The following FOXO3 variants were observed in gnomAD, a reference collection of about 807,000 sequenced individuals.
FOXO3 encodes the protein forkhead box O3.
In FOXO3, 4 loss-of-function variants were observed where a neutral mutation model predicts 41.9. The observed-to-expected ratio is 0.10, with a 90% CI of 0.05 to 0.22. The LOEUF (loss-of-function observed/expected upper bound fraction) is 0.22. Among genes scored for constraint, FOXO3 ranks in the 10% least tolerant of loss-of-function variants. The probability of loss-of-function intolerance (pLI) is 1.00; values close to 1 mark genes in which losing one functional copy is unlikely to be tolerated. For missense variants in FOXO3, 534 were observed against 906.8 expected (o/e 0.59, Z 5.28); for synonymous variants, 318 against 389.3 (o/e 0.82, Z 2.16).
At chr6:108,588,556 C>A (rs1323454128) in intron 1 of FOXO3, among the ~76,000 whole-genome samples, 1 of 152,224 alleles carries the variant, frequency 6.6e-6, no homozygotes, top group Non-Finnish European at 1.5e-5. Context: ...GTCTTCCCTT[C>A]TTCCTCTGGT....
intron 1 of FOXO3, among the ~76,000 whole-genome samples, chr6:108,645,796 CCT>C (rs527681311): frequency 2.4e-4 from 37 of 152,176 alleles, no homozygotes; most frequent in African/African-American, 8.7e-4. Context: ...TGAACAGAAA[CCT>C]CTAATTACCA....
chr6:108,650,577 GC>G (rs1185541261), intron 1 of FOXO3, among the ~76,000 whole-genome samples: 1 of 152,148 alleles, frequency 6.6e-6, no homozygotes, highest in Admixed American at 6.5e-5. Flanking sequence ...GTAGATTAGA[GC>G]CTGCTACAAT....
At chr6:108,663,431 C>T in intron 1 of FOXO3, 24 bp from the exon 2 acceptor site, 2 of 1,581,502 alleles carry the variant, frequency 1.3e-6, no homozygotes, top group Non-Finnish European at 8.6e-7. Context: ...GGTTCATACT[C>T]TGTATTTTCT....
intron 2 of FOXO3, among the ~76,000 whole-genome samples, chr6:108,678,869 CTTTTTTT>C (rs1156923290): frequency 3.6e-5 from 2 of 55,018 alleles, no homozygotes; most frequent in East Asian, 8.5e-4. Flanking sequence ...TTCTTAAATT[CTTTTTTT>C]TTTTTTTTTT....
intron 1 of FOXO3, among the ~76,000 whole-genome samples, chr6:108,609,916 A>G (rs1351992665): frequency 6.6e-6 from 1 of 152,096 alleles, no homozygotes; most frequent in African/African-American, 2.4e-5. Context: ...TGCCTGTTGA[A>G]TTTTTTTTAA....
chr6:108,602,620 A>G (rs1486205855), intron 1 of FOXO3, among the ~76,000 whole-genome samples: 1 of 152,172 alleles, frequency 6.6e-6, no homozygotes, highest in East Asian at 1.9e-4. Flanking sequence ...AGAAGGAGGC[A>G]AGTGTGCTGT....
At chr6:108,637,563 A>G (rs925055609) in intron 1 of FOXO3, among the ~76,000 whole-genome samples, 2 of 151,948 alleles carry the variant, frequency 1.3e-5, no homozygotes, top group Non-Finnish European at 2.9e-5. Flanking sequence ...TACATATCAG[A>G]CTCCTGATAA....
intron 2 of FOXO3, among the ~76,000 whole-genome samples, chr6:108,668,491 G>A (rs1012068110): frequency 6.6e-6 from 1 of 152,142 alleles, no homozygotes; most frequent in African/African-American, 2.4e-5. Context: ...CTGCAAGCTC[G>A]AGCTTCCGGT....
intron 1 of FOXO3, among the ~76,000 whole-genome samples, chr6:108,616,495 G>A (rs917904147): frequency 1.3e-5 from 2 of 151,802 alleles, no homozygotes; most frequent in Middle Eastern, 3.2e-3. Context: ...ATGGGGTTTC[G>A]CTGTGTTGGC....
intron 1 of FOXO3, among the ~76,000 whole-genome samples, chr6:108,594,112 C>T (rs1776808840): frequency 6.6e-6 from 1 of 152,124 alleles, no homozygotes; most frequent in Non-Finnish European, 1.5e-5. Flanking sequence ...GAGAAGATGG[C>T]AGAAAGCTGT....
intron 1 of FOXO3, among the ~76,000 whole-genome samples, chr6:108,616,529 T>C (rs757498805): frequency 6.6e-6 from 1 of 152,034 alleles, no homozygotes; most frequent in Non-Finnish European, 1.5e-5. Flanking sequence ...ACTCCTGGCC[T>C]CAAGCAATCC....
chr6:108,611,886 G>T (rs1277803897), intron 1 of FOXO3, among the ~76,000 whole-genome samples: 1 of 151,990 alleles, frequency 6.6e-6, no homozygotes, highest in Non-Finnish European at 1.5e-5. Flanking sequence ...TTAAGACTTT[G>T]ATCCATTTGG....
chr6:108,600,090 G>T (rs988458538), intron 1 of FOXO3, among the ~76,000 whole-genome samples: 1 of 152,056 alleles, frequency 6.6e-6, no homozygotes, highest in Non-Finnish European at 1.5e-5. Context: ...GTTAGAAGTC[G>T]AACACTGAAC....
intron 1 of FOXO3, among the ~76,000 whole-genome samples, chr6:108,565,729 A>T (rs1487306055): frequency 6.6e-6 from 1 of 152,240 alleles, no homozygotes; most frequent in African/African-American, 2.4e-5. Flanking sequence ...TCTTGCCAAG[A>T]TAAAAAGATG....
At chr6:108,572,575 G>A (rs1776132507) in intron 1 of FOXO3, among the ~76,000 whole-genome samples, 1 of 152,154 alleles carries the variant, frequency 6.6e-6, no homozygotes, top group African/African-American at 2.4e-5. Flanking sequence ...GGCTTGAAAT[G>A]TTCAGACATT....
intron 1 of FOXO3, among the ~76,000 whole-genome samples, chr6:108,564,666 A>C (rs1176136040): frequency 6.6e-6 from 1 of 152,216 alleles, no homozygotes; most frequent in Non-Finnish European, 1.5e-5. Flanking sequence ...CAGAATCTAA[A>C]TCAGTGGTTC....
chr6:108,615,626 A>T (rs986392254), intron 1 of FOXO3, among the ~76,000 whole-genome samples: 1 of 151,984 alleles, frequency 6.6e-6, no homozygotes, highest in Non-Finnish European at 1.5e-5. Flanking sequence ...TATAAAAAAA[A>T]TTTAAAATCC....
rs1582721410 is a variant in FOXO3 at position 108,561,974 on chromosome 6, A to G, written c.621+145A>G. ...CCTCCGCTGCGAGGCTTTGGGGGTT[A>G]TCTTTGATCCCCGGAGTCGGGGCAC... On this transcript the variant is annotated intron_variant, in intron 1 of 2. Transcript: ENST00000406360. The G allele has an allele frequency of 3.1e-6, 4 of 1,289,502 alleles. No individual in the cohort carries two copies. In the East Asian group the frequency reaches 9.2e-5, roughly 30 times the overall value. 79.9% of individuals were successfully genotyped at this position (1,289,502 alleles called of 1,614,324 possible). A position where few individuals can be genotyped will look rare whatever the true frequency, so the allele number is the denominator to read the frequency against.
intron 2 of FOXO3, among the ~76,000 whole-genome samples, chr6:108,665,617 C>CA (rs1287715621): frequency 6.6e-6 from 1 of 152,030 alleles, no homozygotes; most frequent in Non-Finnish European, 1.5e-5. Context: ...GGCTAGGAGT[C>CA]AGAGACCAGC....
Sources: gnomAD v4.1 joint callset for allele counts (sites outside exome capture counted in the v4.1 genomes callset) on GRCh38, gnomAD v4.1.1 for gene constraint, MANE v1.5 for transcripts, NCBI Gene and HGNC (gene_info 2026-07-23, HGNC 2026-07-21) for gene names.